Variants in LNX2 observed in about 807,000 individuals in gnomAD.
The protein encoded by LNX2 is ligand of Numb protein X 2.
A neutral mutation model predicts 66.2 loss-of-function variants in LNX2; 35 were observed. The ratio of observed to expected loss-of-function variants is 0.53; its 90% CI spans 0.40 to 0.70. LNX2 has a LOEUF of 0.70. Among genes scored for constraint, LNX2 ranks in the 30% least tolerant of loss-of-function variants. The pLI is 0.00. For synonymous variants in LNX2, 337 were observed against 315.6 expected, an observed-to-expected ratio of 1.07 and a Z score of -0.72; for missense variants, 791 against 850.8, an observed-to-expected ratio of 0.93 and a Z score of 0.87.
At chr13:27,608,714 ACTTTT>A (rs1330248284) in intron 1 of LNX2, among the ~76,000 whole-genome samples, 2 of 152,100 alleles carry the variant, frequency 1.3e-5, no homozygotes, top group African/African-American at 4.8e-5. Context: ...TTAAAATATT[ACTTTT>A]AAGAATATTA....
chr13:27,583,758 C>T (rs1021118135), intron 1 of LNX2, among the ~76,000 whole-genome samples: 13 of 152,000 alleles, frequency 8.6e-5, no homozygotes, highest in African/African-American at 2.2e-4. Context: ...CGTTGAACAT[C>T]GAGACAGAAG....
In LNX2 at chr13:27,558,320, T is replaced by C. The variant is rs199730206; in HGVS notation, c.1368+1522A>G. ...AGTGGTTTTTCTAACCAGCCAGGTTTGCAGAGTGCCTGGAATAGAATAAAT... is the reference window on the plus strand; with the variant it reads ...AGTGGTTTTTCTAACCAGCCAGGTTCGCAGAGTGCCTGGAATAGAATAAAT... On this transcript the variant is annotated intron_variant, in intron 6 of 9. Coordinates refer to ENST00000316334, the MANE Select transcript of LNX2 (RefSeq NM_153371.4). Among the ~76,000 whole-genome samples the C allele has an allele frequency of 3.6e-4, 55 of 152,144 alleles. No homozygotes were observed. The East Asian group carries it at 0.01, about 29-fold the overall frequency.
At position 27,551,337 on chromosome 13, in the gene LNX2, G is replaced by C. The variant is rs532151371; in HGVS notation, c.1779-846C>G. Among the ~76,000 whole-genome samples, 3 of 151,800 alleles carry C rather than the reference G, an allele frequency of 2.0e-5. No individual in the cohort carries two copies. In the East Asian group the frequency reaches 5.8e-4, roughly 29 times the overall value. On this transcript the variant is annotated intron_variant, in intron 8 of 9. Coordinates refer to ENST00000316334, the MANE Select transcript of LNX2 (RefSeq NM_153371.4). ...CACATGCATATATAAATGTATCATA[G>C]ACACTGAGAAACTACAGTTAGAATG...
chr13:27,550,285 T>C lies in LNX2; in HGVS notation c.1937+48A>G, dbSNP rs536270915. 3 of 1,556,338 alleles carry C rather than the reference T, an allele frequency of 1.9e-6. No individual in the cohort carries two copies. The South Asian group carries it at 3.4e-5, about 18-fold the overall frequency. ...CCCCTGACCCCTGGTCTAGATCATG[T>C]CCAATGTCATCAACATGAATCACAT... On this transcript the variant is annotated intron_variant, in intron 9 of 9. Transcript: ENST00000316334.
At chr13:27,562,851 GA>G in intron 4 of LNX2, 70 bp from the exon 5 acceptor site, 1 of 1,495,022 alleles carries the variant, frequency 6.7e-7, no homozygotes, top group South Asian at 1.3e-5. Flanking sequence ...ATGTTTATGT[GA>G]CATTTCCACA....
chr13:27,609,974 T>C (rs1392773590), intron 1 of LNX2, among the ~76,000 whole-genome samples: 1 of 152,248 alleles, frequency 6.6e-6, no homozygotes, highest in African/African-American at 2.4e-5. Flanking sequence ...ATTAGTCTAT[T>C]GAAGTATCAA....
chr13:27,581,015 A>C (rs1955391012), intron 2 of LNX2, among the ~76,000 whole-genome samples: 1 of 152,244 alleles, frequency 6.6e-6, no homozygotes, highest in African/African-American at 2.4e-5. Context: ...AATCTATCAT[A>C]ATATCCTGTC....
chr13:27,592,585 G>C (rs1955555882), intron 1 of LNX2, among the ~76,000 whole-genome samples: 1 of 152,126 alleles, frequency 6.6e-6, no homozygotes, highest in Admixed American at 6.5e-5. Flanking sequence ...ATATAAATTA[G>C]GAAACACTGG....
intron 6 of LNX2, among the ~76,000 whole-genome samples, chr13:27,559,137 C>T (rs1260333556): frequency 1.3e-5 from 2 of 152,016 alleles, no homozygotes; most frequent in Non-Finnish European, 2.9e-5. Flanking sequence ...ATCAAGAATG[C>T]TAAAGTATCA....
rs376388797 is a variant in LNX2, at chr13:27,561,224, A to G, written c.1224+1189T>C. On this transcript the variant is annotated intron_variant, in intron 5 of 9. Transcript: ENST00000316334. ...TTAGAAATTTAGTTAGAATCATCCA[A>G]TTGAATGAACTAGATTAGATAATTT... 7.9e-4 allele frequency among the ~76,000 whole-genome samples: 121 copies of G among 152,344 alleles called. No homozygotes were observed. The South Asian group carries it at 0.012, about 15-fold the overall frequency.
Position 27,583,228 on chromosome 13 carries a change from G to GTGCGCGCGCGTCCTCTCCTATATAACTT in LNX2, c.-100-1426_-100-1425insAAGTTATATAGGAGAGGACGCGCGCGCA. Among the ~76,000 whole-genome samples the GTGCGCGCGCGTCCTCTCCTATATAACTT allele has an allele frequency of 3.2e-4, 9 of 27,840 alleles. 1 individual carries two copies. The highest frequency in any genetic ancestry group is 4.6e-4 in the Non-Finnish European group (7 of 15,140). The allele number at this position is 27,840 out of a possible 152,430, so 18.3% of individuals were successfully genotyped here. On this transcript the variant is annotated intron_variant, in intron 1 of 9. Transcript: ENST00000316334. ...TGTGTGTGTGTGTGTGTGTGTGTGT[G>GTGCGCGCGCGTCCTCTCCTATATAACTT]TGTGTGTGTGTGTGTGTGTGTGTGT...
At position 27,583,220 on chromosome 13, in the gene LNX2, GT is replaced by G. The variant is rs1955429994; in HGVS notation, c.-100-1418del. ...TGTGTGTGTGTGTGTGTGTGTGTGT[GT>G]GTGTGTGTGTGTGTGTGTGTGTGTG... On this transcript the variant is annotated intron_variant, in intron 1 of 9. Coordinates refer to ENST00000316334, the MANE Select transcript of LNX2 (RefSeq NM_153371.4). 5.4e-4 allele frequency among the ~76,000 whole-genome samples: 10 copies of G among 18,432 alleles called. 4 individuals carry two copies. Among genetic ancestry groups the G allele is most frequent in the African/African-American group, 2.0e-3 (3 of 1,470 alleles). 12.1% of individuals were successfully genotyped at this position (18,432 alleles called of 152,430 possible).
intron 4 of LNX2, among the ~76,000 whole-genome samples, chr13:27,565,267 C>T (rs138168615): frequency 9.5e-4 from 145 of 152,168 alleles, no homozygotes; most frequent in African/African-American, 3.4e-3. Context: ...AGTAAAAAAA[C>T]TTAAACAAAT....
At chr13:27,560,565 G>GTGTGTATGTGTGTATATA (rs35007288) in intron 5 of LNX2, among the ~76,000 whole-genome samples, 1 of 119,970 alleles carries the variant, frequency 8.3e-6, no homozygotes, top group Admixed American at 8.0e-5. Flanking sequence ...ATGTATGTGT[G>GTGTGTATGTGTGTATATA]TATATATATA....
At chr13:27,603,442 A>G (rs1252768867) in intron 1 of LNX2, among the ~76,000 whole-genome samples, 2 of 152,234 alleles carry the variant, frequency 1.3e-5, no homozygotes, top group East Asian at 3.8e-4. Context: ...TTGTAAAAGC[A>G]GCACAACTGT....
Position 27,562,748 on chromosome 13 carries a change from T to C in LNX2, c.889A>G (p.Asn297Asp), listed in dbSNP as rs1955152369. The change falls in exon 5 of 10, where the codon AAC becomes GAC. Residue 297 changes from asparagine to aspartate, a missense_variant. Transcript: ENST00000316334. Reference sequence around the variant, plus strand: ...TGGGAAAGGACAGCTCGGGCATAGTTATGGGACACATTGCTGATATTGTAG... The same window carrying C: ...TGGGAAAGGACAGCTCGGGCATAGTCATGGGACACATTGCTGATATTGTAG... Reference protein sequence around the residue: ...NNYNISNVSHNYARAVLSQPC... With the variant: ...NNYNISNVSHDYARAVLSQPC... 1.2e-6 allele frequency: 2 copies of C among 1,613,572 alleles called. No individual in the cohort carries two copies. Among genetic ancestry groups the C allele is most frequent in the Non-Finnish European group, 1.7e-6 (2 of 1,179,730 alleles).
At chr13:27,582,154 C>G (rs1383900124) in intron 1 of LNX2, among the ~76,000 whole-genome samples, 2 of 152,018 alleles carry the variant, frequency 1.3e-5, no homozygotes, top group Non-Finnish European at 2.9e-5. Context: ...CTCAGCCTCC[C>G]GAGTAGCTGG....
intron 1 of LNX2, among the ~76,000 whole-genome samples, chr13:27,610,108 T>A (rs941083665): frequency 2.3e-4 from 35 of 152,334 alleles, no homozygotes; most frequent in Admixed American, 2.1e-3. Context: ...AGCCTTCGCA[T>A]AGTGGTCTTA....
chr13:27,566,127 A>G (rs777867620), intron 4 of LNX2, among the ~76,000 whole-genome samples: 1 of 152,228 alleles, frequency 6.6e-6, no homozygotes, highest in Non-Finnish European at 1.5e-5. Context: ...AAAATGTTCA[A>G]ACAATTCTCT....
Sources: gnomAD v4.1 joint callset for allele counts (sites outside exome capture counted in the v4.1 genomes callset) on GRCh38, gnomAD v4.1.1 for gene constraint, MANE v1.5 for transcripts, NCBI Gene and HGNC (gene_info 2026-07-23, HGNC 2026-07-21) for gene names.